The following PTPRN2 variants were observed in gnomAD, a reference collection of about 807,000 sequenced individuals.
The protein encoded by PTPRN2 is protein tyrosine phosphatase receptor type N2.
Under a neutral mutation model 118.8 loss-of-function variants are expected in PTPRN2, and 74 were observed. That is an observed-to-expected ratio of 0.62 (90% CI 0.52 to 0.76). PTPRN2 has a LOEUF of 0.76. PTPRN2 is among the 30% of genes least tolerant of loss of function. PTPRN2 has a pLI of 0.00. For synonymous variants in PTPRN2, 641 were observed against 608.0 expected, an observed-to-expected ratio of 1.05 and a Z score of -0.80; for missense variants, 1,481 against 1,394.4, an observed-to-expected ratio of 1.06 and a Z score of -0.99.
At chr7:157,789,831 T>A (rs1183569629) in intron 12 of PTPRN2, among the ~76,000 whole-genome samples, 1 of 144,992 alleles carries the variant, frequency 6.9e-6, no homozygotes, top group African/African-American at 2.6e-5. Flanking sequence ...GGTATGTTTG[T>A]GTGTGTAGTA....
chr7:157,997,130 G>A (rs549343933), intron 11 of PTPRN2, among the ~76,000 whole-genome samples: 1 of 152,338 alleles, frequency 6.6e-6, no homozygotes, highest in Admixed American at 6.5e-5. Context: ...GGGGTTGGGG[G>A]CACATCTGAT....
intron 17 of PTPRN2, among the ~76,000 whole-genome samples, chr7:157,581,861 A>G (rs1274323982): frequency 6.6e-6 from 1 of 152,208 alleles, no homozygotes; most frequent in East Asian, 1.9e-4. Flanking sequence ...TGTCTTTAGA[A>G]GAAGAGGGAG....
At chr7:158,019,924 C>T (rs12531617) in intron 11 of PTPRN2, among the ~76,000 whole-genome samples, 7,897 of 152,360 alleles carry the variant, frequency 0.052, 254 homozygotes, top group Admixed American at 0.085. Context: ...CCCTCAGCTT[C>T]GCCAGACATC....
Position 158,310,403 on chromosome 7 carries a change from C to T in PTPRN2, c.277+6416G>A, listed in dbSNP as rs887650030. On this transcript the variant is annotated intron_variant, in intron 3 of 22. Coordinates refer to ENST00000389418, the MANE Select transcript of PTPRN2 (RefSeq NM_002847.5). Reference sequence around the variant, plus strand: ...TGTGAGGCCTGGGAAAGGAGGAACACACTATCGGACGGTGGAGAAGAGGCT... The same window carrying T: ...TGTGAGGCCTGGGAAAGGAGGAACATACTATCGGACGGTGGAGAAGAGGCT... Among the ~76,000 whole-genome samples, 13 of 152,372 alleles carry T rather than the reference C, an allele frequency of 8.5e-5. No homozygotes were observed. In the East Asian group the frequency reaches 1.4e-3, roughly 16 times the overall value.
At chr7:157,842,769 TC>T (rs1441429597) in intron 12 of PTPRN2, among the ~76,000 whole-genome samples, 1 of 152,148 alleles carries the variant, frequency 6.6e-6, no homozygotes, top group African/African-American at 2.4e-5. Flanking sequence ...CCCTTTGATT[TC>T]AGATCAGAGG....
At position 158,301,732 on chromosome 7, in the gene PTPRN2, T is replaced by C. The variant is rs148646152; in HGVS notation, c.277+15087A>G. Among the ~76,000 whole-genome samples the C allele has an allele frequency of 5.5e-3, 835 of 152,288 alleles. 59 individuals carry two copies. The East Asian group carries it at 0.15, about 27-fold the overall frequency. On this transcript the variant is annotated intron_variant, in intron 3 of 22. Transcript: ENST00000389418. ...GGGAGGCCAAGGCAGGTGCATTGCTTGAGCCCAGGAGTTTGAGACCAGCCT... is the reference window on the plus strand; with the variant it reads ...GGGAGGCCAAGGCAGGTGCATTGCTCGAGCCCAGGAGTTTGAGACCAGCCT...
chr7:158,014,322 C>A (rs1044512810), intron 11 of PTPRN2, among the ~76,000 whole-genome samples: 1 of 151,098 alleles, frequency 6.6e-6, no homozygotes, highest in African/African-American at 2.4e-5. Context: ...ACCCATCCAT[C>A]CCTCATCCAT....
intron 3 of PTPRN2, among the ~76,000 whole-genome samples, chr7:158,270,033 A>T (rs1586061150): frequency 1.3e-5 from 2 of 152,310 alleles, no homozygotes; most frequent in East Asian, 1.9e-4. Context: ...TCTCTGCCTG[A>T]CCTGCAATCT....
At position 158,517,137 on chromosome 7, in the gene PTPRN2, C is replaced by G. The variant is rs1823631692; in HGVS notation, c.113-27352G>C. On this transcript the variant is annotated intron_variant, in intron 1 of 22. Transcript: ENST00000389418. This position sits in a 1 kb window ranked among gnomAD's most constrained non-coding sequence, Gnocchi z 5.3. ...CTTGACAAAGGCCAGCAGGACAGAA[C>G]AGTACAACGCTGGTTCCACAGTGTG... Among the ~76,000 whole-genome samples the G allele has an allele frequency of 6.6e-6, 1 of 152,194 alleles. No individual in the cohort carries two copies. The highest frequency in any genetic ancestry group is 2.1e-4 in the South Asian group (1 of 4,834).
At chr7:158,220,736 C>T (rs1176228659) in intron 3 of PTPRN2, among the ~76,000 whole-genome samples, 4 of 151,816 alleles carry the variant, frequency 2.6e-5, no homozygotes, top group South Asian at 2.1e-4. Flanking sequence ...CAACATTCCA[C>T]GCTCATGGAT....
rs1427673086 is a variant in PTPRN2, at chr7:157,845,686, AC to A, written c.1788+52986del. Among the ~76,000 whole-genome samples the A allele has an allele frequency of 6.6e-6, 1 of 152,236 alleles. No homozygotes were observed. Among genetic ancestry groups the A allele is most frequent in the Non-Finnish European group, 1.5e-5 (1 of 68,042 alleles). ...ACCTCCCCGCGGGGCAGGTGGGTGC[AC>A]AGGAAAGAAACCAACATGGAGCTGA... is the stretch of plus-strand genomic sequence containing the variant. On this transcript the variant is annotated intron_variant, in intron 12 of 22. Coordinates refer to ENST00000389418, the MANE Select transcript of PTPRN2 (RefSeq NM_002847.5). This position sits in a 1 kb window ranked among gnomAD's most constrained non-coding sequence, Gnocchi z 4.5.
chr7:157,544,500 C>T (rs116183133), intron 22 of PTPRN2, among the ~76,000 whole-genome samples: 2,574 of 152,288 alleles, frequency 0.017, 81 homozygotes, highest in African/African-American at 0.059. Flanking sequence ...GGGAGAGTGA[C>T]GCACGGGCAG....
At chr7:158,271,099 GC>G (rs1368680074) in intron 3 of PTPRN2, among the ~76,000 whole-genome samples, 4 of 84,166 alleles carry the variant, frequency 4.8e-5, no homozygotes, top group Non-Finnish European at 5.4e-5. Context: ...CACCTGGGCT[GC>G]CCCCTCCACC....
chr7:157,554,558 C>T (rs1798788217), intron 21 of PTPRN2, among the ~76,000 whole-genome samples: 1 of 152,212 alleles, frequency 6.6e-6, no homozygotes, highest in Admixed American at 6.5e-5. Flanking sequence ...AGAAAGCTCC[C>T]TCTAGTGCAT....
chr7:157,834,855 C>T (rs957824830), intron 12 of PTPRN2, among the ~76,000 whole-genome samples: 9 of 152,196 alleles, frequency 5.9e-5, no homozygotes, highest in Non-Finnish European at 1.0e-4. Flanking sequence ...GAGCACCGGA[C>T]CCAGCTTTCA....
At chr7:158,383,006 T>C (rs1811075038) in intron 2 of PTPRN2, among the ~76,000 whole-genome samples, 2 of 152,134 alleles carry the variant, frequency 1.3e-5, no homozygotes, top group Non-Finnish European at 2.9e-5. Flanking sequence ...GCCAAAAAGG[T>C]TGGGGACCAC....
chr7:157,568,665 G>A (rs150597705), intron 21 of PTPRN2, among the ~76,000 whole-genome samples: 9 of 151,616 alleles, frequency 5.9e-5, no homozygotes, highest in Non-Finnish European at 1.2e-4. Context: ...GTGCATGCTC[G>A]GCACGCAGAG....
At chr7:157,984,251 C>CAT (rs71189750) in intron 11 of PTPRN2, among the ~76,000 whole-genome samples, 28 of 56,974 alleles carry the variant, frequency 4.9e-4, no homozygotes, top group Admixed American at 7.7e-4. Flanking sequence ...GGCTCCACCT[C>CAT]CCCACGCCAG....
rs1444872728 is a variant in PTPRN2, at chr7:158,013,798, A to T, written c.1723+67500T>A. Among the ~76,000 whole-genome samples, 11 of 58,146 alleles carry T rather than the reference A, an allele frequency of 1.9e-4. No individual in the cohort carries two copies. The South Asian group carries it at 2.3e-3, about 12-fold the overall frequency. 38.1% of individuals were successfully genotyped at this position (58,146 alleles called of 152,430 possible). A position where few individuals can be genotyped will look rare whatever the true frequency, so the allele number is the denominator to read the frequency against. On this transcript the variant is annotated intron_variant, in intron 11 of 22. Coordinates refer to ENST00000389418, the MANE Select transcript of PTPRN2 (RefSeq NM_002847.5). ...ATCCATCCATTCACCCACCCACCCC[A>T]TCCATCCACCCACCCACTCACCCAC...
Sources: allele counts gnomAD v4.1 joint callset (sites outside exome capture counted in the v4.1 genomes callset), GRCh38; gene constraint gnomAD v4.1.1; non-coding constraint Gnocchi (gnomAD v3.1); transcripts MANE v1.5; gene names NCBI Gene and HGNC (gene_info 2026-07-23, HGNC 2026-07-21).